The following TANC1 variants were observed in gnomAD, a reference collection of about 807,000 sequenced individuals.
The protein encoded by TANC1 is tetratricopeptide repeat, ankyrin repeat and coiled-coil containing 1.
Under a neutral mutation model 149.7 loss-of-function variants are expected in TANC1, and 77 were observed. That is an observed-to-expected ratio of 0.51 (90% CI 0.43 to 0.62). The LOEUF is 0.62. Among genes scored for constraint, TANC1 ranks in the 20% least tolerant of loss-of-function variants. The probability of loss-of-function intolerance (pLI) is 0.00; values close to 1 mark genes in which losing one functional copy is unlikely to be tolerated. For missense variants in TANC1, 1,985 were observed against 2,321.8 expected, an observed-to-expected ratio of 0.85 and a Z score of 2.98; for synonymous variants, 854 against 925.0, an observed-to-expected ratio of 0.92 and a Z score of 1.39.
intron 5 of TANC1, chr2:159,148,935 G>C (rs1370570476): frequency 6.1e-6 from 3 of 493,396 alleles, no homozygotes; most frequent in African/African-American, 2.0e-5. Context: ...TTTGCACTTG[G>C]AGTTTTTGTT....
chr2:159,115,767 T>C (rs1410690418), intron 4 of TANC1, among the ~76,000 whole-genome samples: 3 of 152,184 alleles, frequency 2.0e-5, no homozygotes, highest in African/African-American at 7.2e-5. Flanking sequence ...GCCTCATGAC[T>C]TTGTTTTTCT....
At chr2:158,999,896 G>C (rs1408090152) in intron 1 of TANC1, among the ~76,000 whole-genome samples, 1 of 152,206 alleles carries the variant, frequency 6.6e-6, no homozygotes, top group Admixed American at 6.5e-5. Context: ...GTTTACATAG[G>C]TATGAGTGGA....
At chr2:159,169,115 A>C in intron 8 of TANC1, 135 bp from the exon 9 acceptor site, 1 of 584,960 alleles carries the variant, frequency 1.7e-6, no homozygotes, top group East Asian at 3.0e-5. Context: ...TGGGGCAAAC[A>C]ATATCAAAAT....
At chr2:159,184,463 T>C (rs879426611) in intron 14 of TANC1, among the ~76,000 whole-genome samples, 6 of 152,082 alleles carry the variant, frequency 3.9e-5, no homozygotes, top group Non-Finnish European at 7.4e-5. Flanking sequence ...GGGTGTGTGG[T>C]CATCACCCTG....
chr2:159,019,330 G>A (rs1349652709), intron 2 of TANC1, among the ~76,000 whole-genome samples: 1 of 152,336 alleles, frequency 6.6e-6, no homozygotes, highest in East Asian at 1.9e-4. Flanking sequence ...TTCTGCACCG[G>A]TAGTTGCTGA....
chr2:159,004,614 T>A (rs910304390), intron 2 of TANC1, among the ~76,000 whole-genome samples: 2 of 152,130 alleles, frequency 1.3e-5, no homozygotes, highest in African/African-American at 2.4e-5. Context: ...GGTGTATGTA[T>A]GTTTATGTAT....
intron 2 of TANC1, among the ~76,000 whole-genome samples, chr2:159,023,997 A>G (rs2039049728): frequency 1.3e-5 from 2 of 152,044 alleles, no homozygotes; most frequent in Admixed American, 6.6e-5. Context: ...TCAAAAATAT[A>G]CAAGTAATGA....
chr2:159,223,794 A>AGTCTGCCGTGCACAGGTTGTGTGG (rs1211529855), intron 22 of TANC1, among the ~76,000 whole-genome samples: 3 of 152,232 alleles, frequency 2.0e-5, no homozygotes, highest in African/African-American at 7.2e-5. Flanking sequence ...CAATCTTAAC[A>AGTCTGCCGTGCACAGGTTGTGTGG]GTCTGCCGTG....
At chr2:159,209,086 G>A (rs1360610982) in intron 19 of TANC1, among the ~76,000 whole-genome samples, 2 of 152,220 alleles carry the variant, frequency 1.3e-5, no homozygotes, top group Non-Finnish European at 2.9e-5. Flanking sequence ...GCATGTGACT[G>A]TACCTGGGCA....
chr2:159,071,856 A>G (rs2043183154), intron 3 of TANC1, among the ~76,000 whole-genome samples: 1 of 152,254 alleles, frequency 6.6e-6, no homozygotes, highest in Non-Finnish European at 1.5e-5. Context: ...TTCCCAAGCA[A>G]CAAAACAAGC....
chr2:159,089,246 C>T (rs1332122678), intron 3 of TANC1, among the ~76,000 whole-genome samples: 1 of 152,168 alleles, frequency 6.6e-6, no homozygotes, highest in Non-Finnish European at 1.5e-5. Context: ...AAATTCTTTC[C>T]TTTTCTGGCA....
chr2:159,084,193 T>A (rs1574543118), intron 3 of TANC1, among the ~76,000 whole-genome samples: 1 of 150,896 alleles, frequency 6.6e-6, no homozygotes, highest in East Asian at 2.0e-4. Flanking sequence ...GAGGGTGCAG[T>A]GAGCCGAGAT....
At chr2:159,147,287 G>T (rs978533753) in intron 5 of TANC1, among the ~76,000 whole-genome samples, 1 of 152,184 alleles carries the variant, frequency 6.6e-6, no homozygotes, top group Non-Finnish European at 1.5e-5. Flanking sequence ...AAAGGGAAGG[G>T]GGGTGTGGAG....
At chr2:159,218,630 C>A (rs2059496034) in intron 20 of TANC1, among the ~76,000 whole-genome samples, 2 of 152,166 alleles carry the variant, frequency 1.3e-5, no homozygotes, top group African/African-American at 4.8e-5. Flanking sequence ...ATACCCCTGT[C>A]TGGTTTTCTA....
intron 12 of TANC1, among the ~76,000 whole-genome samples, chr2:159,175,732 C>A (rs975673571): frequency 6.6e-6 from 1 of 152,186 alleles, no homozygotes; most frequent in East Asian, 1.9e-4. Context: ...GTTTACTTGC[C>A]CACATGGCAC....
intron 4 of TANC1, among the ~76,000 whole-genome samples, chr2:159,106,127 TA>T (rs2149987703): frequency 6.6e-6 from 1 of 152,358 alleles, no homozygotes; most frequent in East Asian, 1.9e-4. Flanking sequence ...TATTGAGATA[TA>T]ATTTACATAC....
intron 4 of TANC1, among the ~76,000 whole-genome samples, chr2:159,121,753 C>T (rs2048873220): frequency 6.6e-6 from 1 of 152,148 alleles, no homozygotes; most frequent in African/African-American, 2.4e-5. Context: ...TTGCTAGGGA[C>T]AGGAATCATT....
intron 4 of TANC1, among the ~76,000 whole-genome samples, chr2:159,133,505 C>A (rs2050323131): frequency 6.6e-6 from 1 of 152,100 alleles, no homozygotes; most frequent in East Asian, 1.9e-4. Context: ...CAGGCAAACG[C>A]CACCACACCC....
intron 3 of TANC1, among the ~76,000 whole-genome samples, chr2:159,070,115 T>C (rs1031642945): frequency 6.6e-6 from 1 of 152,170 alleles, no homozygotes; most frequent in African/African-American, 2.4e-5. Context: ...TAAAACTTTA[T>C]TGAAGGACTT....
Sources: allele counts gnomAD v4.1 joint callset (sites outside exome capture counted in the v4.1 genomes callset), GRCh38; gene constraint gnomAD v4.1.1; transcripts MANE v1.5; gene names NCBI Gene and HGNC (gene_info 2026-07-23, HGNC 2026-07-21).